The following IQSEC1 variants were observed in gnomAD, a reference collection of about 807,000 sequenced individuals.
IQSEC1 encodes the protein IQ motif and SEC7 domain-containing protein 1.
In IQSEC1, 31 loss-of-function variants were observed where a neutral mutation model predicts 91.0. The observed-to-expected ratio is 0.34, with a 90% CI of 0.26 to 0.46. The LOEUF is 0.46. Among genes scored for constraint, IQSEC1 ranks in the 20% least tolerant of loss-of-function variants. The probability of loss-of-function intolerance (pLI) is 1.00; values close to 1 mark genes in which losing one functional copy is unlikely to be tolerated. For missense variants in IQSEC1, 1,388 were observed against 1,575.6 expected (o/e 0.88, Z 2.02); for synonymous variants, 699 against 662.6 (o/e 1.05, Z -0.84).
intron 2 of IQSEC1, among the ~76,000 whole-genome samples, chr3:12,939,371 T>C (rs1329922250): frequency 6.6e-6 from 1 of 152,214 alleles, no homozygotes; most frequent in Non-Finnish European, 1.5e-5. Context: ...GGACAGTACC[T>C]GAAACCCACT....
chr3:12,964,769 T>C (rs187662946), intron 1 of IQSEC1, among the ~76,000 whole-genome samples: 1 of 152,278 alleles, frequency 6.6e-6, no homozygotes, highest in African/African-American at 2.4e-5. Context: ...ATTATCCTGG[T>C]AAACCAAGAT....
exon 1 of IQSEC1, among the ~76,000 whole-genome samples, chr3:13,283,130 C>T (rs1432044467): frequency 6.9e-6 from 1 of 145,054 alleles, no homozygotes; most frequent in Admixed American, 6.8e-5. Flanking sequence ...GCCGGCGCCG[C>T]CCCCGGGGCC....
chr3:13,070,084 T>G (rs1576233832), intron 1 of IQSEC1, among the ~76,000 whole-genome samples: 2 of 113,716 alleles, frequency 1.8e-5, no homozygotes, highest in African/African-American at 7.0e-5. Context: ...GGCTAGGGAG[T>G]GAGGACAGTG....
chr3:13,199,659 T>C (rs1178904379), intron 1 of IQSEC1, among the ~76,000 whole-genome samples: 1 of 152,104 alleles, frequency 6.6e-6, no homozygotes, highest in South Asian at 2.1e-4. Context: ...CATATAGGCT[T>C]CCTGCGCCAC....
In IQSEC1 at chr3:12,898,032, C is replaced by T. The variant is rs1693821284; in HGVS notation, c.*2951G>A. The T allele has an allele frequency of 6.6e-6, 1 of 152,260 alleles. No individual in the cohort carries two copies. The highest frequency in any genetic ancestry group is 1.5e-5 in the Non-Finnish European group (1 of 68,052). 9.4% of individuals were successfully genotyped at this position (152,260 alleles called of 1,614,324 possible). ...GCGTCTCCTGCTCCTGTCAGCAATT[C>T]TGTATGTAACTGCAGTAATTTGTGT... On this transcript the variant is annotated 3_prime_UTR_variant, in exon 14 of 14. Transcript: ENST00000613206.
At chr3:13,108,220 AC>A (rs1352220920) in intron 2 of IQSEC1, among the ~76,000 whole-genome samples, 1 of 152,120 alleles carries the variant, frequency 6.6e-6, no homozygotes, top group Admixed American at 6.5e-5. Flanking sequence ...ATTTTTTAAA[AC>A]CCTAATTTCT....
chr3:13,073,951 C>T (rs148578907), upstream of IQSEC1, among the ~76,000 whole-genome samples: 1 of 152,372 alleles, frequency 6.6e-6, no homozygotes, highest in East Asian at 1.9e-4. Context: ...TCGTTTGTGC[C>T]AGTCCTGTCC....
chr3:13,028,630 ATCAG>A (rs779519307), intron 1 of IQSEC1, among the ~76,000 whole-genome samples: 9 of 152,208 alleles, frequency 5.9e-5, no homozygotes, highest in Non-Finnish European at 7.3e-5. Context: ...CACATTAGCA[ATCAG>A]TCAAAGTGAC....
chr3:13,202,672 T>C lies in IQSEC1; in HGVS notation c.273-38539A>G, dbSNP rs145747649. The stretch of plus-strand genomic sequence containing the variant: ...GTGTTTCATGGGGACAGAGTTTCAG[T>C]GTGGGAAAATGAAAAGTTCTGGAGA... On this transcript the variant is annotated intron_variant, in intron 1 of 15. Coordinates refer to the IQSEC1 transcript ENST00000648114. 2.5e-3 allele frequency among the ~76,000 whole-genome samples: 380 copies of C among 152,052 alleles called. 1 individual carries two copies. Among genetic ancestry groups the C allele is most frequent in the African/African-American group, 7.7e-3 (321 of 41,454 alleles).
rs190223658 is a variant in IQSEC1, at chr3:12,922,308, C to T, written c.1731-66G>A. The T allele has an allele frequency of 8.6e-4, 1,247 of 1,455,208 alleles. 1 individual carries two copies. Among genetic ancestry groups the T allele is most frequent in the Non-Finnish European group, 1.1e-3 (1,161 of 1,091,430 alleles). The allele number at this position is 1,455,208 out of a possible 1,614,324, so 90.1% of individuals were successfully genotyped here. On this transcript the variant is annotated intron_variant, in intron 4 of 13. Transcript: ENST00000613206. This position sits in a 1 kb window ranked among gnomAD's most constrained non-coding sequence, Gnocchi z 5.1. Reference sequence around the variant, plus strand: ...AGGTGCGACACGCCCAGCCCACCCCCAGGTGGTGGTGCCTGAAGCCCTGGG... The same window carrying T: ...AGGTGCGACACGCCCAGCCCACCCCTAGGTGGTGGTGCCTGAAGCCCTGGG...
At chr3:13,144,193 TC>T (rs1706846965) in intron 2 of IQSEC1, among the ~76,000 whole-genome samples, 1 of 152,040 alleles carries the variant, frequency 6.6e-6, no homozygotes, top group African/African-American at 2.4e-5. Flanking sequence ...CCAACCCCTG[TC>T]CCCTCTTTAG....
chr3:13,009,565 T>G (rs904074709), intron 1 of IQSEC1, among the ~76,000 whole-genome samples: 9 of 151,428 alleles, frequency 5.9e-5, no homozygotes, highest in Non-Finnish European at 1.2e-4. Context: ...CAAGTATAAC[T>G]CCAACTTCCA....
At chr3:12,906,217 ACATGGAGGGGACAC>A (rs1464605946) in intron 12 of IQSEC1, among the ~76,000 whole-genome samples, 2 of 152,182 alleles carry the variant, frequency 1.3e-5, no homozygotes, top group African/African-American at 4.8e-5. Context: ...GACGTGTCAA[ACATGGAGGGGACAC>A]TGTCCGCAGG....
intron 1 of IQSEC1, among the ~76,000 whole-genome samples, chr3:13,212,449 C>T (rs1219930726): frequency 6.6e-6 from 1 of 152,172 alleles, no homozygotes; most frequent in Non-Finnish European, 1.5e-5. Context: ...GTTGTTTCCA[C>T]TTTCTGGTTA....
chr3:13,072,215 C>T lies in IQSEC1; in HGVS notation c.23+777G>A, dbSNP rs568912004. Among the ~76,000 whole-genome samples the T allele has an allele frequency of 2.6e-5, 4 of 152,338 alleles. No individual in the cohort carries two copies. The East Asian group carries it at 5.8e-4, about 22-fold the overall frequency. ...ATAGTTTAGGCAGGTGGAGACCTGA[C>T]GCTGGGCCTCAACCCCCGCAGCCGA... On this transcript the variant is annotated intron_variant, in intron 1 of 13. Transcript: ENST00000613206.
upstream of IQSEC1, among the ~76,000 whole-genome samples, chr3:13,076,537 G>T (rs530113968): frequency 5.9e-5 from 9 of 152,330 alleles, no homozygotes; most frequent in Non-Finnish European, 1.3e-4. Flanking sequence ...GACGGAGAAG[G>T]TTGGAGCATG....
chr3:13,236,530 G>A (rs1162883821), intron 1 of IQSEC1, among the ~76,000 whole-genome samples: 2 of 152,194 alleles, frequency 1.3e-5, no homozygotes, highest in Non-Finnish European at 2.9e-5. Context: ...GTGCAGTGAC[G>A]AGAGGCTCAC....
intron 12 of IQSEC1, among the ~76,000 whole-genome samples, chr3:12,907,230 C>T (rs1695077029): frequency 6.6e-6 from 1 of 152,064 alleles, no homozygotes; most frequent in African/African-American, 2.4e-5. Context: ...ATAATAATGA[C>T]AAAACGAAAA....
chr3:13,259,757 C>T lies in IQSEC1; in HGVS notation c.272+22954G>A, dbSNP rs1695350327. 6.6e-6 allele frequency among the ~76,000 whole-genome samples: 1 copy of T among 152,242 alleles called. No homozygotes were observed. Among genetic ancestry groups the T allele is most frequent in the African/African-American group, 2.4e-5 (1 of 41,468 alleles). ...CAATGCTTACCTCCACCTGCTTCCA[C>T]CTCTGGTCATCCACAGATGCCACAA... On this transcript the variant is annotated intron_variant, in intron 1 of 15. Coordinates refer to the IQSEC1 transcript ENST00000648114. This position sits in a 1 kb window ranked among gnomAD's most constrained non-coding sequence, Gnocchi z 4.6.
Sources: allele counts gnomAD v4.1 joint callset (sites outside exome capture counted in the v4.1 genomes callset), GRCh38; gene constraint gnomAD v4.1.1; non-coding constraint Gnocchi (gnomAD v3.1); transcripts MANE v1.5; gene names NCBI Gene and HGNC (gene_info 2026-07-23, HGNC 2026-07-21).